CCNY: variants seen among roughly 807,000 people sequenced by gnomAD.
CCNY encodes the protein cyclin-Y.
A neutral mutation model predicts 42.8 loss-of-function variants in CCNY; 19 were observed. The observed-to-expected ratio is 0.44, with a 90% CI of 0.31 to 0.65. CCNY has a LOEUF of 0.65. Among genes scored for constraint, CCNY ranks in the 30% least tolerant of loss-of-function variants. CCNY has a pLI of 0.07. For synonymous variants in CCNY, 165 were observed against 162.7 expected (o/e 1.01, Z -0.11); for missense variants, 370 against 437.3 (o/e 0.85, Z 1.37).
At chr10:35,360,899 C>T (rs750904243) in intron 1 of CCNY, among the ~76,000 whole-genome samples, 11 of 152,118 alleles carry the variant, frequency 7.2e-5, no homozygotes, top group Non-Finnish European at 1.2e-4. Flanking sequence ...CTCACCCTGT[C>T]GCCCAGGCTG....
intron 3 of CCNY, among the ~76,000 whole-genome samples, chr10:35,286,813 T>C (rs181603920): frequency 2.0e-5 from 3 of 152,058 alleles, no homozygotes; most frequent in East Asian, 3.9e-4. Flanking sequence ...GTGAGCACCA[T>C]CAAGCCTGGC....
At chr10:35,413,572 G>A (rs1837959093) in intron 1 of CCNY, among the ~76,000 whole-genome samples, 1 of 152,218 alleles carries the variant, frequency 6.6e-6, no homozygotes, top group African/African-American at 2.4e-5. Context: ...GGAAGTGTCT[G>A]GGACAGAAGC....
intron 1 of CCNY, among the ~76,000 whole-genome samples, chr10:35,372,408 G>A (rs554391443): frequency 7.2e-5 from 11 of 152,306 alleles, no homozygotes; most frequent in Admixed American, 1.3e-4. Context: ...ATCCTTAGAC[G>A]ATTCACTCTG....
chr10:35,383,778 G>A (rs954355409), intron 1 of CCNY, among the ~76,000 whole-genome samples: 3 of 152,114 alleles, frequency 2.0e-5, no homozygotes, highest in African/African-American at 7.2e-5. Flanking sequence ...AGTCCTAGAT[G>A]ATTTTTAAGA....
intron 1 of CCNY, among the ~76,000 whole-genome samples, chr10:35,479,816 C>G (rs2135361469): frequency 6.6e-6 from 1 of 152,088 alleles, no homozygotes; most frequent in East Asian, 1.9e-4. Context: ...TACGCTCTTC[C>G]AGATGTATTC....
intron 1 of CCNY, among the ~76,000 whole-genome samples, chr10:35,438,770 T>C (rs1320853413): frequency 6.6e-6 from 1 of 152,246 alleles, no homozygotes; most frequent in Non-Finnish European, 1.5e-5. Context: ...CTTCTTCCTT[T>C]CTTCCTGATG....
At chr10:35,251,836 G>T (rs2095712266) in intron 3 of CCNY, among the ~76,000 whole-genome samples, 1 of 152,052 alleles carries the variant, frequency 6.6e-6, no homozygotes, top group Non-Finnish European at 1.5e-5. Flanking sequence ...TGATCTGCCT[G>T]TTTCGGCGGC....
chr10:35,259,729 C>G (rs1237950916), intron 3 of CCNY, among the ~76,000 whole-genome samples: 1 of 131,082 alleles, frequency 7.6e-6, no homozygotes, highest in Non-Finnish European at 1.6e-5. Context: ...CCAGGCTGTT[C>G]TCGAACTCCT....
intron 2 of CCNY, among the ~76,000 whole-genome samples, chr10:35,248,580 A>C (rs1014254718): frequency 2.6e-5 from 4 of 152,218 alleles, no homozygotes; most frequent in African/African-American, 9.6e-5. Context: ...TGGGAGGAGG[A>C]GGTTGCAGTG....
At chr10:35,262,342 T>C (rs2095720593) in intron 3 of CCNY, among the ~76,000 whole-genome samples, 1 of 147,024 alleles carries the variant, frequency 6.8e-6, no homozygotes, top group Non-Finnish European at 1.5e-5. Flanking sequence ...TATTTTATTT[T>C]ATTTTATTTT....
intron 3 of CCNY, chr10:35,327,902 C>G (rs1835898304): frequency 6.6e-6 from 1 of 152,254 alleles, no homozygotes; most frequent in Non-Finnish European, 1.5e-5. Context: ...TGTTCTCTCA[C>G]TGGTCCTTTC....
chr10:35,476,298 C>T (rs1217771903), intron 1 of CCNY, among the ~76,000 whole-genome samples: 2 of 152,144 alleles, frequency 1.3e-5, no homozygotes, highest in Non-Finnish European at 2.9e-5. Context: ...TAGACATCTA[C>T]AGAACTCTCC....
At chr10:35,472,400 A>G (rs1296899908) in intron 1 of CCNY, among the ~76,000 whole-genome samples, 1 of 152,160 alleles carries the variant, frequency 6.6e-6, no homozygotes, top group African/African-American at 2.4e-5. Flanking sequence ...TCTTATTTTC[A>G]GCTTTCTGAA....
At chr10:35,509,024 A>G (rs904248855) in intron 3 of CCNY, among the ~76,000 whole-genome samples, 1 of 152,222 alleles carries the variant, frequency 6.6e-6, no homozygotes, top group Non-Finnish European at 1.5e-5. Context: ...TTCACTTAGC[A>G]TAATGTTCTC....
chr10:35,416,384 C>T (rs1282248442), intron 1 of CCNY, among the ~76,000 whole-genome samples: 8 of 151,938 alleles, frequency 5.3e-5, no homozygotes, highest in African/African-American at 9.7e-5. Flanking sequence ...GGATTCTTTG[C>T]GTCTAGGAGT....
chr10:35,398,155 G>A (rs1837565196), intron 1 of CCNY, among the ~76,000 whole-genome samples: 2 of 152,284 alleles, frequency 1.3e-5, no homozygotes, highest in South Asian at 4.1e-4. Flanking sequence ...GGAAGCCAGT[G>A]GGGGTCCCGT....
At chr10:35,249,990 C>T (rs1034616831) in intron 2 of CCNY, among the ~76,000 whole-genome samples, 2 of 151,858 alleles carry the variant, frequency 1.3e-5, no homozygotes, top group Non-Finnish European at 2.9e-5. Context: ...GTCAGGAGAT[C>T]GAGACCTTCC....
At chr10:35,475,593 G>A (rs1589145191) in intron 1 of CCNY, among the ~76,000 whole-genome samples, 2 of 149,492 alleles carry the variant, frequency 1.3e-5, no homozygotes, top group East Asian at 3.9e-4. Flanking sequence ...AATGCTGAGA[G>A]ATTTTGTCAC....
chr10:35,487,485 A>G (rs1044864134), intron 2 of CCNY, among the ~76,000 whole-genome samples: 2 of 152,062 alleles, frequency 1.3e-5, no homozygotes, highest in African/African-American at 2.4e-5. Flanking sequence ...GATGTGGGAA[A>G]CAAGTTGTCG....
Sources: allele counts gnomAD v4.1 joint callset (sites outside exome capture counted in the v4.1 genomes callset), GRCh38; gene constraint gnomAD v4.1.1; transcripts MANE v1.5; gene names NCBI Gene and HGNC (gene_info 2026-07-23, HGNC 2026-07-21).